JKAMP: variants seen among roughly 807,000 people sequenced by gnomAD.
JKAMP encodes JNK1/MAPK8 associated membrane protein, also known as JNK1/MAPK8-associated membrane protein.
Under a neutral mutation model 40.2 loss-of-function variants are expected in JKAMP, and 20 were observed. That is an observed-to-expected ratio of 0.50 (90% CI 0.35 to 0.72). The LOEUF is 0.72. Among genes scored for constraint, JKAMP ranks in the 30% least tolerant of loss-of-function variants. The probability of loss-of-function intolerance (pLI) is 0.01; values close to 1 mark genes in which losing one functional copy is unlikely to be tolerated. For missense variants in JKAMP, 276 were observed against 373.0 expected (o/e 0.74, Z 2.14); for synonymous variants, 138 against 131.6 (o/e 1.05, Z -0.33).
intron 5 of JKAMP, 166 bp from the exon 6 acceptor site, chr14:59,501,025 C>T (rs1891838733): frequency 1.8e-6 from 1 of 562,440 alleles, no homozygotes; most frequent in African/African-American, 1.9e-5. Flanking sequence ...CTTGCCCTTT[C>T]CAGAAAAAGC....
Position 59,484,554 on chromosome 14 carries a change from A to T in JKAMP, c.-36A>T, listed in dbSNP as rs767134694. 1 of 1,567,244 alleles carries T rather than the reference A, an allele frequency of 6.4e-7. No individual in the cohort carries two copies. Among genetic ancestry groups the T allele is most frequent in the Non-Finnish European group, 8.6e-7 (1 of 1,156,262 alleles). ...TTCGGTGCAGCTGCCAGATCCGCTG[A>T]TCTAGTGCTTCTCGAAAAAAACCTT... On this transcript the variant is annotated 5_prime_UTR_variant, in exon 1 of 7. Transcript: ENST00000616435.
At chr14:59,503,571 C>G (rs1892101279) in intron 6 of JKAMP, among the ~76,000 whole-genome samples, 1 of 152,094 alleles carries the variant, frequency 6.6e-6, no homozygotes, top group South Asian at 2.1e-4. Context: ...TATAGTGTTT[C>G]CAGGAGTGAA....
intron 6 of JKAMP, among the ~76,000 whole-genome samples, chr14:59,502,750 A>AAT (rs1891981852): frequency 2.0e-4 from 1 of 4,908 alleles, no homozygotes; most frequent in African/African-American, 3.5e-4. Context: ...ATAAAATGAG[A>AAT]TTTTTTTTTT....
At chr14:59,500,280 T>C (rs1282665524) in intron 5 of JKAMP, among the ~76,000 whole-genome samples, 2 of 152,238 alleles carry the variant, frequency 1.3e-5, no homozygotes, top group African/African-American at 4.8e-5. Flanking sequence ...AGTTTCTAGC[T>C]GCTGAATCCT....
chr14:59,505,169 A>G lies in JKAMP; in HGVS notation c.*1097A>G. On this transcript the variant is annotated 3_prime_UTR_variant, in exon 7 of 7. Transcript: ENST00000616435. Reference sequence around the variant, plus strand: ...AGACTTCTATTAACAGCTGCAAAATATGAAAGTAAGTGCACTCACTTTTCC... The same window carrying G: ...AGACTTCTATTAACAGCTGCAAAATGTGAAAGTAAGTGCACTCACTTTTCC... 1.4e-6 allele frequency: 1 copy of G among 718,106 alleles called. No homozygotes were observed. Among genetic ancestry groups the G allele is most frequent in the Non-Finnish European group, 2.2e-6 (1 of 464,378 alleles). The allele number at this position is 718,106 out of a possible 1,614,324, so 44.5% of individuals were successfully genotyped here.
intron 3 of JKAMP, among the ~76,000 whole-genome samples, chr14:59,491,400 G>C (rs1160090512): frequency 1.3e-5 from 2 of 152,214 alleles, no homozygotes; most frequent in Admixed American, 1.3e-4. Context: ...GTGTCTGGCT[G>C]TAGATAGGTT....
chr14:59,496,758 C>T (rs1385064179), intron 4 of JKAMP, among the ~76,000 whole-genome samples: 1 of 152,146 alleles, frequency 6.6e-6, no homozygotes, highest in Non-Finnish European at 1.5e-5. Context: ...ATCCCTGAAT[C>T]AAGATTGTTT....
At chr14:59,503,240 T>C (rs539618222) in intron 6 of JKAMP, among the ~76,000 whole-genome samples, 2 of 152,332 alleles carry the variant, frequency 1.3e-5, no homozygotes, top group African/African-American at 4.8e-5. Context: ...AGCTGTTTAA[T>C]AAGAGAAAGT....
At chr14:59,497,634 ATCT>A (rs1468902578) in intron 4 of JKAMP, among the ~76,000 whole-genome samples, 2 of 152,180 alleles carry the variant, frequency 1.3e-5, no homozygotes, top group African/African-American at 4.8e-5. Context: ...GATTAAAATC[ATCT>A]TTTTTAGAGC....
intron 1 of JKAMP, chr14:59,484,870 A>G: frequency 8.2e-7 from 1 of 1,216,494 alleles, no homozygotes; most frequent in Non-Finnish European, 1.1e-6. Flanking sequence ...TTTAATGTCG[A>G]GGGAACACTT....
intron 2 of JKAMP, 158 bp from the exon 3 acceptor site, chr14:59,487,516 C>T (rs1251185584): frequency 1.8e-6 from 1 of 562,006 alleles, no homozygotes; most frequent in Non-Finnish European, 3.1e-6. Context: ...ATATAGATTT[C>T]TTTTTATTTT....
intron 6 of JKAMP, among the ~76,000 whole-genome samples, chr14:59,501,653 A>G (rs1365915106): frequency 6.6e-6 from 1 of 152,222 alleles, no homozygotes; most frequent in Non-Finnish European, 1.5e-5. Flanking sequence ...GGCAACATTA[A>G]TAGTCATCAG....
At chr14:59,498,428 G>GT (rs1204139383) in intron 4 of JKAMP, among the ~76,000 whole-genome samples, 1 of 151,992 alleles carries the variant, frequency 6.6e-6, no homozygotes, top group African/African-American at 2.4e-5. Context: ...GTTTTTTTAT[G>GT]TATCCCTGGT....
intron 4 of JKAMP, among the ~76,000 whole-genome samples, chr14:59,498,034 CT>C (rs1010901898): frequency 4.0e-5 from 6 of 151,256 alleles, no homozygotes; most frequent in South Asian, 4.2e-4. Flanking sequence ...CTTTCTACAG[CT>C]TTTTTTTTCT....
At chr14:59,501,771 A>G (rs1211108624) in intron 6 of JKAMP, among the ~76,000 whole-genome samples, 1 of 152,198 alleles carries the variant, frequency 6.6e-6, no homozygotes, top group Non-Finnish European at 1.5e-5. Context: ...GCTAACATTA[A>G]TAGCCACATT....
At chr14:59,491,555 T>G (rs765849713) in intron 3 of JKAMP, among the ~76,000 whole-genome samples, 1 of 152,236 alleles carries the variant, frequency 6.6e-6, no homozygotes, top group Non-Finnish European at 1.5e-5. Flanking sequence ...GTGTTTATGT[T>G]TTCAGTGTTT....
chr14:59,489,947 A>G (rs1890865180), intron 3 of JKAMP, among the ~76,000 whole-genome samples: 3 of 151,870 alleles, frequency 2.0e-5, no homozygotes, highest in South Asian at 2.1e-4. Context: ...TTTCGAGACA[A>G]TGTCCTGGTT....
chr14:59,484,744 C>G, intron 1 of JKAMP, 151 bp downstream of exon 1: 4 of 1,077,984 alleles, frequency 3.7e-6, no homozygotes, highest in Non-Finnish European at 1.3e-6. Context: ...CCGGGCTCCG[C>G]ACTCCTGCGG....
At chr14:59,499,338 GAAAT>G (rs1891699859) in intron 5 of JKAMP, among the ~76,000 whole-genome samples, 1 of 152,152 alleles carries the variant, frequency 6.6e-6, no homozygotes, top group Non-Finnish European at 1.5e-5. Flanking sequence ...TATGTAATAA[GAAAT>G]AAAAACTGGT....
Sources: gnomAD v4.1 joint callset for allele counts (sites outside exome capture counted in the v4.1 genomes callset) on GRCh38, gnomAD v4.1.1 for gene constraint, MANE v1.5 for transcripts, NCBI Gene and HGNC (gene_info 2026-07-23, HGNC 2026-07-21) for gene names.